The following MTPN variants were observed in gnomAD, a reference collection of about 807,000 sequenced individuals.
The protein encoded by MTPN is granule cell differentiation protein.
A neutral mutation model predicts 13.5 loss-of-function variants in MTPN; 2 were observed. That is an observed-to-expected ratio of 0.15 (90% CI 0.06 to 0.47). MTPN has a LOEUF of 0.47. MTPN is among the 20% of genes least tolerant of loss of function. The pLI is 0.97. For missense variants in MTPN, 79 were observed against 137.9 expected (o/e 0.57, Z 2.14); for synonymous variants, 46 against 51.7 (o/e 0.89, Z 0.48).
chr7:135,943,148 G>T (rs574548945), intron 3 of MTPN, among the ~76,000 whole-genome samples: 8 of 152,278 alleles, frequency 5.3e-5, no homozygotes, highest in African/African-American at 1.9e-4. Flanking sequence ...ATGTTATATG[G>T]AACAGAATTT....
At chr7:135,961,340 T>C (rs1397638774) in intron 1 of MTPN, among the ~76,000 whole-genome samples, 1 of 151,926 alleles carries the variant, frequency 6.6e-6, no homozygotes, top group Admixed American at 6.6e-5. Context: ...AAAATAGTTT[T>C]AGAATTTCTT....
chr7:135,945,616 A>C (rs1344556836), intron 3 of MTPN, among the ~76,000 whole-genome samples: 1 of 152,178 alleles, frequency 6.6e-6, no homozygotes. Context: ...TTCAGGGGCA[A>C]GAGAATACAT....
chr7:135,959,787 G>T (rs895127427), intron 1 of MTPN, among the ~76,000 whole-genome samples: 39 of 150,582 alleles, frequency 2.6e-4, no homozygotes, highest in African/African-American at 9.3e-4. Flanking sequence ...TTTCTAGTTT[G>T]TCAGTATTAT....
rs78509706 is a variant in MTPN, at chr7:135,973,363, A to G, written c.72+3666T>C. Among the ~76,000 whole-genome samples the G allele has an allele frequency of 6.7e-3, 1,019 of 151,726 alleles. 15 individuals carry two copies. Among genetic ancestry groups the G allele is most frequent in the African/African-American group, 0.023 (942 of 41,366 alleles). On this transcript the variant is annotated intron_variant, in intron 1 of 3. Coordinates refer to ENST00000393085, the MANE Select transcript of MTPN (RefSeq NM_145808.4). Reference sequence around the variant, plus strand: ...AGTGAGGAATGGATGAGGGAGACTAAGAAGGTAGTCTTGGTAACCCTCAGA... The same window carrying G: ...AGTGAGGAATGGATGAGGGAGACTAGGAAGGTAGTCTTGGTAACCCTCAGA...
intron 1 of MTPN, among the ~76,000 whole-genome samples, chr7:135,966,159 T>C (rs1357843716): frequency 2.0e-5 from 3 of 152,070 alleles, no homozygotes; most frequent in Non-Finnish European, 4.4e-5. Context: ...GCTCAGTAAA[T>C]GGACAGAAAA....
At chr7:135,930,964 A>G (rs1408513514) in intron 3 of MTPN, among the ~76,000 whole-genome samples, 2 of 152,004 alleles carry the variant, frequency 1.3e-5, no homozygotes, top group Non-Finnish European at 2.9e-5. Flanking sequence ...AGAATTGTTT[A>G]AACTTGGCAC....
Position 135,929,768 on chromosome 7 carries a change from T to A in MTPN, c.*158A>T. 1.4e-6 allele frequency: 1 copy of A among 700,946 alleles called. No individual in the cohort carries two copies. The highest frequency in any genetic ancestry group is 2.4e-6 in the Non-Finnish European group (1 of 411,880). The allele number at this position is 700,946 out of a possible 1,614,324, so 43.4% of individuals were successfully genotyped here. On this transcript the variant is annotated 3_prime_UTR_variant, in exon 4 of 4. Transcript: ENST00000393085. ...TGCCCCTCCTCCAAAACAATTTTTT[T>A]TTTCTGGTAGTCGGATTTGTTATGA...
At chr7:135,965,875 A>G (rs1416148599) in intron 1 of MTPN, among the ~76,000 whole-genome samples, 6 of 152,188 alleles carry the variant, frequency 3.9e-5, no homozygotes, top group Admixed American at 6.5e-5. Flanking sequence ...TGAAAACAAC[A>G]AAGGAAGGGA....
chr7:135,943,064 G>C (rs1799238733), intron 3 of MTPN, among the ~76,000 whole-genome samples: 1 of 152,156 alleles, frequency 6.6e-6, no homozygotes, highest in Non-Finnish European at 1.5e-5. Context: ...TTAAAAATAA[G>C]ACAATTCAGT....
intron 3 of MTPN, among the ~76,000 whole-genome samples, chr7:135,949,285 AT>A (rs1799328625): frequency 6.6e-6 from 1 of 152,174 alleles, no homozygotes; most frequent in East Asian, 1.9e-4. Flanking sequence ...CAGGGATGAA[AT>A]TATCTAGCAG....
intron 1 of MTPN, among the ~76,000 whole-genome samples, chr7:135,976,583 G>A (rs780156168): frequency 5.3e-5 from 8 of 152,140 alleles, no homozygotes; most frequent in Admixed American, 6.5e-5. Flanking sequence ...ACCAGGCCGA[G>A]AGTTAAAAAA....
At chr7:135,932,448 G>A (rs895952134) in intron 3 of MTPN, 1 of 151,880 alleles carries the variant, frequency 6.6e-6, no homozygotes, top group Non-Finnish European at 1.5e-5. Flanking sequence ...GCAACCAGAA[G>A]TATTTAGATA....
At position 135,929,806 on chromosome 7, in the gene MTPN, C is replaced by A; in HGVS notation, c.*120G>T. The A allele has an allele frequency of 3.0e-6, 3 of 1,006,842 alleles. No individual in the cohort carries two copies. The highest frequency in any genetic ancestry group is 4.6e-6 in the Non-Finnish European group (3 of 649,118). The allele number at this position is 1,006,842 out of a possible 1,614,324, so 62.4% of individuals were successfully genotyped here. ...GGATTTGTTATGAATTTCTCTCTCC[C>A]CTCACCCCTCTTAAAGTATTTAGCT... is the stretch of plus-strand genomic sequence containing the variant. On this transcript the variant is annotated 3_prime_UTR_variant, in exon 4 of 4. Transcript: ENST00000393085.
chr7:135,933,098 C>CAAA lies in MTPN; in HGVS notation c.271-3089_271-3087dup, dbSNP rs56865854. Among the ~76,000 whole-genome samples, 616 of 62,664 alleles carry CAAA rather than the reference C, an allele frequency of 9.8e-3. 21 individuals are homozygous for CAAA. The highest frequency in any genetic ancestry group is 0.011 in the African/African-American group (185 of 16,106). The allele number at this position is 62,664 out of a possible 152,430, so 41.1% of individuals were successfully genotyped here. A position where few individuals can be genotyped will look rare whatever the true frequency, so the allele number is the denominator to read the frequency against. On this transcript the variant is annotated intron_variant, in intron 3 of 3. Coordinates refer to ENST00000393085, the MANE Select transcript of MTPN (RefSeq NM_145808.4). Reference sequence around the variant, plus strand: ...CAACTGAGCAAGACTCACTCAGCCTCAAAAAAAAAAAAAAAAAAAAAAAAG... The same window carrying CAAA: ...CAACTGAGCAAGACTCACTCAGCCTCAAAAAAAAAAAAAAAAAAAAAAAAAAAG...
intron 1 of MTPN, among the ~76,000 whole-genome samples, chr7:135,974,183 G>C (rs187487033): frequency 6.6e-6 from 1 of 152,248 alleles, no homozygotes; most frequent in East Asian, 1.9e-4. Flanking sequence ...AACTTTAATA[G>C]AGAAGTCAGA....
chr7:135,942,710 C>G (rs1799233909), intron 3 of MTPN, among the ~76,000 whole-genome samples: 1 of 152,194 alleles, frequency 6.6e-6, no homozygotes, highest in Non-Finnish European at 1.5e-5. Flanking sequence ...CATATCAACT[C>G]TATGTGATAA....
At chr7:135,955,910 T>G (rs924497831) in intron 1 of MTPN, among the ~76,000 whole-genome samples, 5 of 152,008 alleles carry the variant, frequency 3.3e-5, no homozygotes, top group African/African-American at 1.2e-4. Context: ...GGAAACTTCC[T>G]TGGCCTACAA....
At chr7:135,970,025 T>C (rs979845012) in intron 1 of MTPN, among the ~76,000 whole-genome samples, 2 of 152,172 alleles carry the variant, frequency 1.3e-5, no homozygotes, top group Non-Finnish European at 2.9e-5. Flanking sequence ...GTAATGCAGA[T>C]ATAGTCTCAA....
chr7:135,950,450 G>A, intron 3 of MTPN, 149 bp downstream of exon 3: 1 of 643,118 alleles, frequency 1.6e-6, no homozygotes. Context: ...TTATGGGCCA[G>A]CTATTTTGAG....
Sources: gnomAD v4.1 joint callset for allele counts (sites outside exome capture counted in the v4.1 genomes callset) on GRCh38, gnomAD v4.1.1 for gene constraint, MANE v1.5 for transcripts, NCBI Gene and HGNC (gene_info 2026-07-23, HGNC 2026-07-21) for gene names.